The following SLC14A1 variants were observed in gnomAD, a reference collection of about 807,000 sequenced individuals.
SLC14A1 encodes the protein solute carrier family 14 member 1 (Kidd blood group).
In SLC14A1, 36 loss-of-function variants were observed where a neutral mutation model predicts 39.6. The observed-to-expected ratio is 0.91, with a 90% CI of 0.70 to 1.20. The LOEUF (loss-of-function observed/expected upper bound fraction) is 1.20, where lower values mean the gene tolerates loss of function less well. Ranked by LOEUF, SLC14A1 falls within the 50% of genes most tolerant of loss-of-function variation. The pLI is 0.00. For synonymous variants in SLC14A1, 164 were observed against 173.6 expected (o/e 0.94, Z 0.43); for missense variants, 469 against 478.7 (o/e 0.98, Z 0.19).
chr18:45,727,172 C>A, intron 2 of SLC14A1: 2 of 1,287,590 alleles, frequency 1.6e-6, no homozygotes, highest in Non-Finnish European at 2.2e-6. Flanking sequence ...CGCGCTCCAG[C>A]CCCCCTCAGC....
At chr18:45,726,613 A>T (rs2144730586) in intron 2 of SLC14A1, 1 of 152,276 alleles carries the variant, frequency 6.6e-6, no homozygotes, top group African/African-American at 2.4e-5. Flanking sequence ...TGGACAATAC[A>T]ATGAGACTTT....
chr18:45,736,919 A>C (rs943468100), intron 6 of SLC14A1, among the ~76,000 whole-genome samples: 3 of 125,942 alleles, frequency 2.4e-5, no homozygotes, highest in Non-Finnish European at 5.0e-5. Context: ...ACTGGGAGTC[A>C]CTCTATCGTA....
At chr18:45,743,984 T>G (rs1438761267) in intron 8 of SLC14A1, among the ~76,000 whole-genome samples, 1 of 151,712 alleles carries the variant, frequency 6.6e-6, no homozygotes, top group Non-Finnish European at 1.5e-5. Context: ...AACTTGCTTA[T>G]TCACTCTGAC....
Position 45,749,998 on chromosome 18 carries a change from C to T in SLC14A1, c.*47C>T, listed in dbSNP as rs779310457. On this transcript the variant is annotated 3_prime_UTR_variant, in exon 10 of 10. Transcript: ENST00000321925. Reference sequence around the variant, plus strand: ...ATGGTCACGAGTCATTTCTGCCTGACTGCTCCAGCTAACTTCCAGGGTCTC... The same window carrying T: ...ATGGTCACGAGTCATTTCTGCCTGATTGCTCCAGCTAACTTCCAGGGTCTC... 1.9e-6 allele frequency: 3 copies of T among 1,613,878 alleles called. No individual in the cohort carries two copies. The Admixed American group carries it at 5.0e-5, about 27-fold the overall frequency.
At position 45,750,783 on chromosome 18, in the gene SLC14A1, C is replaced by G. The variant is rs1027269250; in HGVS notation, c.*832C>G. 3 of 984,854 alleles carry G rather than the reference C, an allele frequency of 3.0e-6. No homozygotes were observed. The African/African-American group carries it at 5.2e-5, about 17-fold the overall frequency. The allele number at this position is 984,854 out of a possible 1,614,324, so 61.0% of individuals were successfully genotyped here. A position where few individuals can be genotyped will look rare whatever the true frequency, so the allele number is the denominator to read the frequency against. On this transcript the variant is annotated 3_prime_UTR_variant, in exon 10 of 10. Transcript: ENST00000321925. Reference sequence around the variant, plus strand: ...TTACTTACTGTATTTATGAAATACTCAGCTTAGGCATTTTTACTTTAACCC... The same window carrying G: ...TTACTTACTGTATTTATGAAATACTGAGCTTAGGCATTTTTACTTTAACCC...
Position 45,751,513 on chromosome 18 carries a change from C to G in SLC14A1, c.*1562C>G. 2.1e-5 allele frequency: 21 copies of G among 985,052 alleles called. No individual in the cohort carries two copies. The highest frequency in any genetic ancestry group is 2.4e-5 in the Non-Finnish European group (20 of 829,818). 61.0% of individuals were successfully genotyped at this position (985,052 alleles called of 1,614,324 possible). A position where few individuals can be genotyped will look rare whatever the true frequency, so the allele number is the denominator to read the frequency against. On this transcript the variant is annotated 3_prime_UTR_variant, in exon 10 of 10. Transcript: ENST00000321925. ...CAGAAGTCACGTTCAGGGACTGGCT[C>G]ACACCTGTAATCCCAGCACTTTGGG...
At chr18:45,724,718 A>C (rs1385598074) in intron 1 of SLC14A1, among the ~76,000 whole-genome samples, 2 of 152,236 alleles carry the variant, frequency 1.3e-5, no homozygotes, top group Non-Finnish European at 2.9e-5. Context: ...CTTTCCAGTG[A>C]TGGATTTATG....
chr18:45,734,072 C>G (rs895611837), intron 4 of SLC14A1: 2 of 620,868 alleles, frequency 3.2e-6, no homozygotes, highest in Non-Finnish European at 5.5e-6. Flanking sequence ...TCTAAATGCA[C>G]ATTTATATTT....
At chr18:45,730,859 C>A (rs868219759) in intron 3 of SLC14A1, among the ~76,000 whole-genome samples, 156 bp from the exon 4 acceptor site, 1 of 152,056 alleles carries the variant, frequency 6.6e-6, no homozygotes, top group East Asian at 1.9e-4. Flanking sequence ...GATCTGGGTG[C>A]CACTAATGCA....
In SLC14A1 at chr18:45,751,118, T is replaced by A. The variant is rs934869009; in HGVS notation, c.*1167T>A. 2.6e-6 allele frequency: 2 copies of A among 780,582 alleles called. No homozygotes were observed. Among genetic ancestry groups the A allele is most frequent in the African/African-American group, 3.8e-5 (2 of 53,212 alleles). 48.4% of individuals were successfully genotyped at this position (780,582 alleles called of 1,614,324 possible). The stretch of plus-strand genomic sequence containing the variant: ...ACTTTGGGGAGCCCAGGCGGGCAGA[T>A]TGCTTGAACCCAGGAGTTCAAGACC... On this transcript the variant is annotated 3_prime_UTR_variant, in exon 10 of 10. Transcript: ENST00000321925.
chr18:45,736,875 A>C (rs1327182007), intron 6 of SLC14A1, among the ~76,000 whole-genome samples: 5 of 146,556 alleles, frequency 3.4e-5, no homozygotes, highest in Non-Finnish European at 6.0e-5. Context: ...TTTTCCCCTA[A>C]ACATCTACAG....
intron 9 of SLC14A1, among the ~76,000 whole-genome samples, chr18:45,748,647 T>A (rs1449863561): frequency 6.6e-6 from 1 of 152,170 alleles, no homozygotes; most frequent in African/African-American, 2.4e-5. Context: ...ATCAGATTGC[T>A]TGGTTTAAAA....
At chr18:45,727,422 T>A (rs2046899257) in intron 2 of SLC14A1, 1 of 1,539,310 alleles carries the variant, frequency 6.5e-7, no homozygotes, top group East Asian at 2.5e-5. Flanking sequence ...GGAACAGGTA[T>A]GCTTCCTTCG....
chr18:45,738,082 C>A (rs2047250802), intron 6 of SLC14A1, among the ~76,000 whole-genome samples: 1 of 152,188 alleles, frequency 6.6e-6, no homozygotes, highest in East Asian at 1.9e-4. Flanking sequence ...TCAGCATGGG[C>A]TGGAAGAATT....
chr18:45,737,855 G>A (rs2047242320), intron 6 of SLC14A1, among the ~76,000 whole-genome samples: 1 of 152,160 alleles, frequency 6.6e-6, no homozygotes, highest in African/African-American at 2.4e-5. Context: ...CATCATCTCG[G>A]AAAGTTATCC....
At chr18:45,734,030 TC>T (rs2047108341) in intron 4 of SLC14A1, 3 of 454,356 alleles carry the variant, frequency 6.6e-6, no homozygotes, top group Non-Finnish European at 1.2e-5. Context: ...ATGAAACCTG[TC>T]CCTGGGGCCA....
chr18:45,742,353 G>GTGT (rs766095751), intron 8 of SLC14A1, among the ~76,000 whole-genome samples: 6 of 118,054 alleles, frequency 5.1e-5, no homozygotes, highest in African/African-American at 2.1e-4. Context: ...TTGTTTTTTG[G>GTGT]TTTTTTTTTT....
chr18:45,746,869 A>G (rs2047558468), intron 8 of SLC14A1, among the ~76,000 whole-genome samples: 1 of 152,222 alleles, frequency 6.6e-6, no homozygotes, highest in African/African-American at 2.4e-5. Flanking sequence ...AGATTCCAAG[A>G]CAGTGATTTG....
chr18:45,742,278 A>C (rs906416058), intron 8 of SLC14A1, among the ~76,000 whole-genome samples: 3 of 151,500 alleles, frequency 2.0e-5, no homozygotes, highest in Non-Finnish European at 2.9e-5. Context: ...AAGATCAAGG[A>C]GAAGGCATTT....
Sources: gnomAD v4.1 joint callset for allele counts (sites outside exome capture counted in the v4.1 genomes callset) on GRCh38, gnomAD v4.1.1 for gene constraint, MANE v1.5 for transcripts, NCBI Gene and HGNC (gene_info 2026-07-23, HGNC 2026-07-21) for gene names.